The following PDE4D variants were observed in gnomAD, a reference collection of about 807,000 sequenced individuals.
PDE4D encodes the protein 3',5'-cyclic-AMP phosphodiesterase 4D.
Under a neutral mutation model 87.4 loss-of-function variants are expected in PDE4D, and 24 were observed. That is an observed-to-expected ratio of 0.27 (90% CI 0.20 to 0.39). The LOEUF is 0.39. Among genes scored for constraint, PDE4D ranks in the 10% least tolerant of loss-of-function variants. The pLI is 1.00. For synonymous variants in PDE4D, 384 were observed against 383.2 expected, an observed-to-expected ratio of 1.00 and a Z score of -0.02; for missense variants, 714 against 1,041.0, an observed-to-expected ratio of 0.69 and a Z score of 4.32.
intron 1 of PDE4D, among the ~76,000 whole-genome samples, chr5:59,603,454 C>T (rs1827785930): frequency 6.6e-6 from 1 of 151,970 alleles, no homozygotes; most frequent in African/African-American, 2.4e-5. Flanking sequence ...GCTATCACTT[C>T]ATACTTGTTA....
intron 1 of PDE4D, among the ~76,000 whole-genome samples, chr5:59,621,982 C>A (rs1830399838): frequency 6.6e-6 from 1 of 152,076 alleles, no homozygotes; most frequent in Non-Finnish European, 1.5e-5. Context: ...ATTTTCATAT[C>A]TTTTATGTCA....
chr5:59,037,868 G>GTA (rs1468996476), intron 6 of PDE4D, among the ~76,000 whole-genome samples: 1 of 151,664 alleles, frequency 6.6e-6, no homozygotes, highest in Non-Finnish European at 1.5e-5. Context: ...TTAAAGATAT[G>GTA]TGCACATAGA....
intron 1 of PDE4D, among the ~76,000 whole-genome samples, chr5:60,397,700 G>A (rs1762977479): frequency 1.3e-5 from 2 of 152,160 alleles, no homozygotes; most frequent in Admixed American, 6.5e-5. Context: ...AGTTAGCTAG[G>A]AGAAATAAGT....
At chr5:59,731,462 C>G (rs954267152) in intron 1 of PDE4D, among the ~76,000 whole-genome samples, 3 of 152,088 alleles carry the variant, frequency 2.0e-5, no homozygotes, top group African/African-American at 7.2e-5. Flanking sequence ...TGTACTAGCC[C>G]TAGTTTGCTA....
At chr5:60,307,206 A>T (rs1754579209) in intron 1 of PDE4D, among the ~76,000 whole-genome samples, 1 of 152,150 alleles carries the variant, frequency 6.6e-6, no homozygotes, top group Non-Finnish European at 1.5e-5. Context: ...ACAGAAACAG[A>T]AGCATTATTT....
intron 1 of PDE4D, among the ~76,000 whole-genome samples, chr5:59,642,574 T>A (rs1741778614): frequency 6.6e-6 from 1 of 152,176 alleles, no homozygotes; most frequent in Admixed American, 6.5e-5. Flanking sequence ...CTTTTGCATC[T>A]TCCTCATTTT....
chr5:59,617,751 C>T (rs781699547), intron 1 of PDE4D, among the ~76,000 whole-genome samples: 1 of 152,202 alleles, frequency 6.6e-6, no homozygotes, highest in African/African-American at 2.4e-5. Context: ...ACACCTCGAT[C>T]GTAGAATTCT....
intron 3 of PDE4D, among the ~76,000 whole-genome samples, chr5:59,949,493 C>A (rs1158279515): frequency 6.8e-6 from 1 of 147,870 alleles, no homozygotes; most frequent in African/African-American, 2.5e-5. Flanking sequence ...ATTAGAAACA[C>A]ACGTGATAAA....
At chr5:60,463,515 C>T (rs1747119480) in intron 1 of PDE4D, among the ~76,000 whole-genome samples, 1 of 152,146 alleles carries the variant, frequency 6.6e-6, no homozygotes, top group African/African-American at 2.4e-5. Context: ...CCAAGCAGCT[C>T]CCCACAGAGA....
At position 59,373,994 on chromosome 5, in the gene PDE4D, A is replaced by G. The variant is rs545617879; in HGVS notation, c.456-158026T>C. 9.8e-5 allele frequency among the ~76,000 whole-genome samples: 15 copies of G among 152,310 alleles called. No homozygotes were observed. The South Asian group carries it at 1.9e-3, about 19-fold the overall frequency. On this transcript the variant is annotated intron_variant, in intron 1 of 14. Transcript: ENST00000340635. ...GCAAATACTGAGGGAATTTGTTACC[A>G]CCAGACATGCCTTACAAGAACTCCT...
In PDE4D at chr5:59,396,919, C is replaced by T. The variant is rs1472005284; in HGVS notation, c.456-180951G>A. On this transcript the variant is annotated intron_variant, in intron 1 of 14. Transcript: ENST00000340635. ...CAAGCAAATGGAAAACAAAAAAAGG[C>T]AGGGGTTGCAATCCTGGTCTCTGAT... 8.7e-5 allele frequency among the ~76,000 whole-genome samples: 10 copies of T among 114,654 alleles called. 2 individuals carry two copies. Among genetic ancestry groups the T allele is most frequent in the Admixed American group, 8.6e-4 (10 of 11,662 alleles). The allele number at this position is 114,654 out of a possible 152,430, so 75.2% of individuals were successfully genotyped here.
Position 59,013,850 on chromosome 5 carries a change from GA to G in PDE4D, c.922-20386del, listed in dbSNP as rs1445706819. Among the ~76,000 whole-genome samples the G allele has an allele frequency of 6.2e-4, 94 of 151,532 alleles. No individual in the cohort carries two copies. In the Middle Eastern group the frequency reaches 0.02, roughly 33 times the overall value. ...TGGCGGAGACACAACAAAAAAAAGA[GA>G]ATTTTAGACCAACATCCATGATGAA... is the stretch of plus-strand genomic sequence containing the variant. On this transcript the variant is annotated intron_variant, in intron 6 of 14. Transcript: ENST00000340635.
At chr5:59,943,444 G>A (rs907582556) in intron 3 of PDE4D, among the ~76,000 whole-genome samples, 4 of 152,112 alleles carry the variant, frequency 2.6e-5, no homozygotes, top group Admixed American at 6.5e-5. Context: ...TCTTCCATCA[G>A]ACCCACATTT....
chr5:59,882,101 A>G (rs1439577178), intron 1 of PDE4D, among the ~76,000 whole-genome samples: 2 of 152,204 alleles, frequency 1.3e-5, no homozygotes, highest in Non-Finnish European at 2.9e-5. Flanking sequence ...GCAGTTTCTG[A>G]GTTAATATAA....
At chr5:59,546,099 C>A (rs1817220826) in intron 1 of PDE4D, among the ~76,000 whole-genome samples, 1 of 152,074 alleles carries the variant, frequency 6.6e-6, no homozygotes, top group Non-Finnish European at 1.5e-5. Context: ...TAAAATGTAA[C>A]CAATTTAGCT....
intron 5 of PDE4D, among the ~76,000 whole-genome samples, chr5:59,159,570 A>G (rs1238635759): frequency 2.0e-5 from 3 of 152,172 alleles, no homozygotes; most frequent in Non-Finnish European, 4.4e-5. Context: ...CTAGAGGTAC[A>G]GTGACGACTT....
intron 1 of PDE4D, among the ~76,000 whole-genome samples, chr5:60,226,923 A>T (rs1220195929): frequency 6.6e-6 from 1 of 152,070 alleles, no homozygotes. Context: ...AATCTTGATT[A>T]ATTCTAACCT....
intron 1 of PDE4D, among the ~76,000 whole-genome samples, chr5:59,664,785 T>C (rs1745796717): frequency 6.6e-6 from 1 of 152,214 alleles, no homozygotes; most frequent in Non-Finnish European, 1.5e-5. Context: ...GTCTAACCTT[T>C]CTATACTTAA....
intron 1 of PDE4D, among the ~76,000 whole-genome samples, chr5:59,496,141 C>T (rs1321003677): frequency 1.3e-5 from 2 of 152,072 alleles, no homozygotes; most frequent in African/African-American, 2.4e-5. Flanking sequence ...GGAGTCCAGC[C>T]GCTCAGCAGC....
Sources: gnomAD v4.1 joint callset for allele counts (sites outside exome capture counted in the v4.1 genomes callset) on GRCh38, gnomAD v4.1.1 for gene constraint, MANE v1.5 for transcripts, NCBI Gene and HGNC (gene_info 2026-07-23, HGNC 2026-07-21) for gene names.